Variants in ATP13A4 observed in about 807,000 individuals in gnomAD.
ATP13A4 encodes the protein ATPase 13A4.
ATP13A4 carries 114 observed loss-of-function variants against 142.5 expected under a neutral mutation model. The ratio of observed to expected loss-of-function variants is 0.80; its 90% CI spans 0.69 to 0.93. The LOEUF (loss-of-function observed/expected upper bound fraction) is 0.93, where lower values mean the gene tolerates loss of function less well. ATP13A4 is among the 40% of genes least tolerant of loss of function. The probability of loss-of-function intolerance (pLI) is 0.00; values close to 1 mark genes in which losing one functional copy is unlikely to be tolerated. For missense variants in ATP13A4, 1,392 were observed against 1,454.0 expected (o/e 0.96, Z 0.69); for synonymous variants, 488 against 514.8 (o/e 0.95, Z 0.70).
At chr3:193,522,280 A>C (rs890202321) in intron 1 of ATP13A4, among the ~76,000 whole-genome samples, 1 of 152,204 alleles carries the variant, frequency 6.6e-6, no homozygotes, top group Non-Finnish European at 1.5e-5. Context: ...GGAAGGTAAG[A>C]CCCTGCCCTG....
intron 1 of ATP13A4, among the ~76,000 whole-genome samples, chr3:193,524,554 C>T (rs1721896793): frequency 6.6e-6 from 1 of 152,162 alleles, no homozygotes; most frequent in African/African-American, 2.4e-5. Context: ...GAATACCAGC[C>T]TGTCTAGGCA....
At chr3:193,415,326 A>G (rs186528246) in intron 25 of ATP13A4, among the ~76,000 whole-genome samples, 2 of 152,344 alleles carry the variant, frequency 1.3e-5, no homozygotes, top group African/African-American at 4.8e-5. Flanking sequence ...GGCAGCTCCA[A>G]GTTCCCACAT....
At position 193,435,717 on chromosome 3, in the gene ATP13A4, G is replaced by C. The variant is rs141299853; in HGVS notation, c.2700C>G (p.Ser900=). The change falls in exon 24 of 30, where the codon TCC becomes TCG. Residue 900 remains serine, a synonymous_variant. Transcript: ENST00000342695. ...IKEGRAALVT[S]FCMFKYMALY... The stretch of plus-strand genomic sequence containing the variant: ...GAGCCATGTACTTAAACATGCAAAA[G>C]GAGGTAACGAGAGCTGCACGTCCTT... 24 of 1,613,876 alleles carry C rather than the reference G, an allele frequency of 1.5e-5. No individual in the cohort carries two copies. In the African/African-American group the frequency reaches 3.1e-4, roughly 21 times the overall value.
intron 26 of ATP13A4, 75 bp downstream of exon 26, chr3:193,414,504 C>T (rs780151199): frequency 1.2e-4 from 183 of 1,555,268 alleles, no homozygotes; most frequent in Non-Finnish European, 1.6e-4. Flanking sequence ...ACCCATGTGC[C>T]TCCCATCATA....
At chr3:193,475,787 A>G (rs778686759) in intron 8 of ATP13A4, among the ~76,000 whole-genome samples, 4 of 152,100 alleles carry the variant, frequency 2.6e-5, no homozygotes, top group Admixed American at 1.3e-4. Flanking sequence ...ACTTTAATGA[A>G]CAATGTATAA....
chr3:193,561,950 C>A (rs533429286), intron 2 of ATP13A4, among the ~76,000 whole-genome samples: 1 of 152,186 alleles, frequency 6.6e-6, no homozygotes, highest in South Asian at 2.1e-4. Context: ...CTTCTCCCTC[C>A]GCGGGAAATG....
chr3:193,498,350 A>AT (rs2108673048), intron 3 of ATP13A4, among the ~76,000 whole-genome samples: 1 of 151,748 alleles, frequency 6.6e-6, no homozygotes, highest in African/African-American at 2.4e-5. Flanking sequence ...CAAAAAAAAA[A>AT]GGAAGTGAGG....
chr3:193,495,128 G>C (rs181238874), intron 3 of ATP13A4, among the ~76,000 whole-genome samples: 23 of 152,146 alleles, frequency 1.5e-4, no homozygotes, highest in Admixed American at 1.5e-3. Flanking sequence ...TCAAAGAAAA[G>C]CTCAGTACCT....
intron 24 of ATP13A4, among the ~76,000 whole-genome samples, chr3:193,435,257 C>A (rs935694234): frequency 1.3e-5 from 2 of 151,526 alleles, no homozygotes; most frequent in Non-Finnish European, 2.9e-5. Context: ...ATAATCAGGT[C>A]TTTTTTTTCA....
rs1714195752 is a variant in ATP13A4, at chr3:193,399,529, GTCTGTCTGGTAT to G, written c.*3111_*3122del. On this transcript the variant is annotated 3_prime_UTR_variant, in exon 30 of 30. Transcript: ENST00000342695. ...CTCCAGAGCCCATCCTCCCATGAGT[GTCTGTCTGGTAT>G]TCTGTGTGGGTAGTAGTAGAAAATA... Among the ~76,000 whole-genome samples, 8 of 152,226 alleles carry G rather than the reference GTCTGTCTGGTAT, an allele frequency of 5.3e-5. No homozygotes were observed. The South Asian group carries it at 1.7e-3, about 32-fold the overall frequency.
At chr3:193,526,029 T>C (rs1672026510) in intron 1 of ATP13A4, among the ~76,000 whole-genome samples, 2 of 152,176 alleles carry the variant, frequency 1.3e-5, no homozygotes, top group African/African-American at 4.8e-5. Context: ...TGAAAGAAAT[T>C]TGGCATTATA....
At chr3:193,552,755 C>T (rs1370743299) in intron 1 of ATP13A4, among the ~76,000 whole-genome samples, 15 of 152,180 alleles carry the variant, frequency 9.9e-5, no homozygotes, top group Admixed American at 9.8e-4. Flanking sequence ...CTGTGCGGTG[C>T]CTCAGCTCCT....
At chr3:193,513,637 C>T (rs901130453) in intron 2 of ATP13A4, among the ~76,000 whole-genome samples, 3 of 152,196 alleles carry the variant, frequency 2.0e-5, no homozygotes, top group East Asian at 1.9e-4. Context: ...GCACATTGTC[C>T]GAGTGCCATG....
At chr3:193,406,960 C>G (rs191728659) in intron 29 of ATP13A4, among the ~76,000 whole-genome samples, 1 of 152,112 alleles carries the variant, frequency 6.6e-6, no homozygotes, top group African/African-American at 2.4e-5. Flanking sequence ...AGTGAGTGCA[C>G]TAAACACTAC....
rs140729075 is a variant in ATP13A4, at chr3:193,484,955, T to C, written c.739-950A>G. Among the ~76,000 whole-genome samples, 518 of 151,942 alleles carry C rather than the reference T, an allele frequency of 3.4e-3. 6 individuals carry two copies. The highest frequency in any genetic ancestry group is 0.012 in the African/African-American group (477 of 41,402). ...TCAGGAGAAATCTCCCCTGAAGAAG[T>C]GACATTGAACCTAAGATCTGAGTAG... On this transcript the variant is annotated intron_variant, in intron 7 of 29. Coordinates refer to ENST00000342695, the MANE Select transcript of ATP13A4 (RefSeq NM_032279.4).
chr3:193,581,020 T>C (rs1397885195), intron 2 of ATP13A4, among the ~76,000 whole-genome samples: 1 of 152,222 alleles, frequency 6.6e-6, no homozygotes, highest in African/African-American at 2.4e-5. Flanking sequence ...CTATCAATCC[T>C]ATCTATTTCA....
intron 1 of ATP13A4, among the ~76,000 whole-genome samples, chr3:193,589,180 ATGTGTG>A (rs748201347): frequency 1.3e-5 from 2 of 151,226 alleles, no homozygotes; most frequent in Non-Finnish European, 2.9e-5. Flanking sequence ...ATATATATAT[ATGTGTG>A]TGTGTGTGTG....
At chr3:193,410,878 T>A in intron 28 of ATP13A4, 104 bp downstream of exon 28, 1 of 784,998 alleles carries the variant, frequency 1.3e-6, no homozygotes, top group Non-Finnish European at 2.2e-6. Context: ...CCCAAAAGAA[T>A]AATTTGTGTC....
chr3:193,554,648 G>T, intron 1 of ATP13A4, 92 bp downstream of exon 1: 1 of 1,343,726 alleles, frequency 7.4e-7, no homozygotes, highest in Non-Finnish European at 1.0e-6. Flanking sequence ...TGTGTGTGAT[G>T]CGTGCGTGTG....
Sources: gnomAD v4.1 joint callset for allele counts (sites outside exome capture counted in the v4.1 genomes callset) on GRCh38, gnomAD v4.1.1 for gene constraint, MANE v1.5 for transcripts, NCBI Gene and HGNC (gene_info 2026-07-23, HGNC 2026-07-21) for gene names.